The following FHIP1A variants were observed in gnomAD, a reference collection of about 807,000 sequenced individuals.
FHIP1A encodes FHF complex subunit HOOK-interacting protein 1A.
A neutral mutation model predicts 88.6 loss-of-function variants in FHIP1A; 61 were observed. The observed-to-expected ratio is 0.69, with a 90% CI of 0.56 to 0.85. The LOEUF (loss-of-function observed/expected upper bound fraction) is 0.85. Ranked by LOEUF, FHIP1A falls within the 40% of genes least tolerant of loss-of-function variation. FHIP1A has a pLI of 0.00. For missense variants in FHIP1A, 1,154 were observed against 1,273.5 expected, an observed-to-expected ratio of 0.91 and a Z score of 1.43; for synonymous variants, 478 against 496.0, an observed-to-expected ratio of 0.96 and a Z score of 0.48.
chr4:151,638,725 T>C lies in FHIP1A; in HGVS notation c.1195T>C (p.Cys399Arg), dbSNP rs1736459949. Residue 399 changes from cysteine to arginine, a missense_variant, in exon 9 of 14, where the codon TGT becomes CGT. Cys to Arg is a radical substitution (Grantham distance 180). Coordinates refer to ENST00000435205, the MANE Select transcript of FHIP1A (RefSeq NM_001109977.3). ...ALFRTLIGLH[C>R]EDVMLQLVLR... ...ATTCAGAACTCTCATTGGTTTACAT[T>C]GTGAAGATGTGATGTTACAGCTAGT... The C allele has an allele frequency of 1.3e-6, 2 of 1,550,024 alleles. No individual in the cohort carries two copies. The highest frequency in any genetic ancestry group is 1.7e-6 in the Non-Finnish European group (2 of 1,146,012).
At position 151,650,250 on chromosome 4, in the gene FHIP1A, C is replaced by T. The variant is rs766273796; in HGVS notation, c.2209C>T (p.His737Tyr). Residue 737 changes from histidine to tyrosine, a missense_variant, in exon 11 of 14, where the codon CAC becomes TAC. Physicochemically the swap from His to Tyr is moderately conservative, Grantham distance 83 (BLOSUM62 2). Coordinates refer to ENST00000435205, the MANE Select transcript of FHIP1A (RefSeq NM_001109977.3). Reference protein sequence around the residue: ...ELASPAPEAEHSSNLTAAHPE... With the variant: ...ELASPAPEAEYSSNLTAAHPE... ...AGCATCCCCTGCCCCTGAGGCAGAG[C>T]ACAGCTCTAACCTGACAGCCGCCCA... The T allele has an allele frequency of 1.3e-6, 2 of 1,551,638 alleles. No individual in the cohort carries two copies. Among genetic ancestry groups the T allele is most frequent in the African/African-American group, 2.7e-5 (2 of 73,058 alleles).
At chr4:151,547,558 G>A (rs1315693331) in intron 3 of FHIP1A, among the ~76,000 whole-genome samples, 1 of 152,216 alleles carries the variant, frequency 6.6e-6, no homozygotes, top group African/African-American at 2.4e-5. Context: ...GATTCTGGTA[G>A]GCACAGATGG....
At chr4:151,518,966 C>G (rs1251231167) in intron 3 of FHIP1A, among the ~76,000 whole-genome samples, 4 of 152,118 alleles carry the variant, frequency 2.6e-5, no homozygotes, top group African/African-American at 9.7e-5. Flanking sequence ...AGCCACCGCA[C>G]CTAGCTGCAT....
intron 9 of FHIP1A, among the ~76,000 whole-genome samples, chr4:151,640,727 A>G (rs992352418): frequency 6.6e-6 from 1 of 152,178 alleles, no homozygotes; most frequent in African/African-American, 2.4e-5. Context: ...AGAGCCTCCC[A>G]GCTCTGGGTC....
chr4:151,576,983 A>C (rs1733814196), intron 4 of FHIP1A: 1 of 153,556 alleles, frequency 6.5e-6, no homozygotes, highest in African/African-American at 2.4e-5. Context: ...ATCTAGAAAA[A>C]AATTTAAGAA....
At chr4:151,552,298 C>T (rs1480337311) in intron 3 of FHIP1A, among the ~76,000 whole-genome samples, 1 of 152,154 alleles carries the variant, frequency 6.6e-6, no homozygotes. Flanking sequence ...ACTAGAAATA[C>T]CATTTGACCC....
At chr4:151,416,835 G>A (rs371488423) in intron 1 of FHIP1A, among the ~76,000 whole-genome samples, 1 of 152,022 alleles carries the variant, frequency 6.6e-6, no homozygotes, top group African/African-American at 2.4e-5. Flanking sequence ...CCAGGCTGGA[G>A]TGCACTAGTG....
intron 6 of FHIP1A, among the ~76,000 whole-genome samples, chr4:151,587,453 A>G (rs1341541813): frequency 4.6e-5 from 7 of 152,152 alleles, no homozygotes; most frequent in Admixed American, 3.9e-4. Context: ...TCCATATAGC[A>G]TAAATATTAC....
At chr4:151,469,755 C>G (rs1430875512) in intron 2 of FHIP1A, among the ~76,000 whole-genome samples, 1 of 152,112 alleles carries the variant, frequency 6.6e-6, no homozygotes, top group Non-Finnish European at 1.5e-5. Context: ...TATAATTTCC[C>G]CATTTCACAG....
intron 3 of FHIP1A, among the ~76,000 whole-genome samples, chr4:151,489,681 A>G: frequency 6.6e-6 from 1 of 151,966 alleles, no homozygotes; most frequent in East Asian, 1.9e-4. Flanking sequence ...GCTGGGTGAG[A>G]CCTGTCATTG....
At chr4:151,547,923 A>AG (rs1560761185) in intron 3 of FHIP1A, among the ~76,000 whole-genome samples, 1 of 151,718 alleles carries the variant, frequency 6.6e-6, no homozygotes, top group African/African-American at 2.4e-5. Context: ...CAAAAGAAAA[A>AG]GAAAAAAAAA....
chr4:151,499,313 T>G (rs901368619), intron 3 of FHIP1A, among the ~76,000 whole-genome samples: 2 of 152,198 alleles, frequency 1.3e-5, no homozygotes, highest in African/African-American at 4.8e-5. Flanking sequence ...ACTTTGAAAT[T>G]AACTAAAGCT....
chr4:151,554,232 T>G (rs868326996), intron 3 of FHIP1A, among the ~76,000 whole-genome samples: 2 of 152,180 alleles, frequency 1.3e-5, no homozygotes, highest in Non-Finnish European at 2.9e-5. Flanking sequence ...AAGTGCCCAA[T>G]AAACAGTGGC....
intron 3 of FHIP1A, among the ~76,000 whole-genome samples, chr4:151,484,647 G>C (rs891684700): frequency 6.6e-6 from 1 of 152,232 alleles, no homozygotes; most frequent in Non-Finnish European, 1.5e-5. Context: ...CTTGAAGACA[G>C]TATGATGCAA....
At chr4:151,462,418 A>G (rs1191325983) in intron 2 of FHIP1A, among the ~76,000 whole-genome samples, 2 of 152,176 alleles carry the variant, frequency 1.3e-5, no homozygotes, top group African/African-American at 4.8e-5. Flanking sequence ...GATTCTTCAG[A>G]TAACTGGAGC....
chr4:151,524,871 GT>G (rs1731575212), intron 3 of FHIP1A, among the ~76,000 whole-genome samples: 1 of 152,186 alleles, frequency 6.6e-6, no homozygotes, highest in South Asian at 2.1e-4. Context: ...TGTTCGACAT[GT>G]AGAAACTTGA....
intron 3 of FHIP1A, among the ~76,000 whole-genome samples, chr4:151,521,333 T>A (rs1409473706): frequency 1.3e-5 from 2 of 152,176 alleles, no homozygotes; most frequent in Non-Finnish European, 2.9e-5. Context: ...TATTTAATAA[T>A]TTTTTTCATA....
intron 3 of FHIP1A, among the ~76,000 whole-genome samples, chr4:151,527,826 A>T (rs984527754): frequency 6.6e-6 from 1 of 152,138 alleles, no homozygotes; most frequent in Non-Finnish European, 1.5e-5. Context: ...AGACCTCACA[A>T]GGTTTACTAG....
At chr4:151,599,059 C>A (rs1417762131) in intron 7 of FHIP1A, among the ~76,000 whole-genome samples, 3 of 152,044 alleles carry the variant, frequency 2.0e-5, no homozygotes, top group African/African-American at 7.2e-5. Context: ...CACATGGTCT[C>A]CAGGGTTTGA....
Sources: allele counts gnomAD v4.1 joint callset (sites outside exome capture counted in the v4.1 genomes callset), GRCh38; gene constraint gnomAD v4.1.1; transcripts MANE v1.5; gene names NCBI Gene and HGNC (gene_info 2026-07-23, HGNC 2026-07-21).